The following ERBB4 variants were observed in gnomAD, a reference collection of about 807,000 sequenced individuals.
The protein encoded by ERBB4 is erb-b2 receptor tyrosine kinase 4.
A neutral mutation model predicts 158.0 loss-of-function variants in ERBB4; 42 were observed. The ratio of observed to expected loss-of-function variants is 0.27; its 90% CI spans 0.21 to 0.34. The LOEUF (loss-of-function observed/expected upper bound fraction) is 0.34. Ranked by LOEUF, ERBB4 falls within the 10% of genes least tolerant of loss-of-function variation. The pLI, the probability that ERBB4 is intolerant of heterozygous loss-of-function variation, is 1.00. For missense variants in ERBB4, 1,333 were observed against 1,624.1 expected, an observed-to-expected ratio of 0.82 and a Z score of 3.08; for synonymous variants, 583 against 558.7, an observed-to-expected ratio of 1.04 and a Z score of -0.61.
At chr2:211,554,474 G>A (rs534479035) in intron 20 of ERBB4, among the ~76,000 whole-genome samples, 33 of 152,318 alleles carry the variant, frequency 2.2e-4, no homozygotes, top group African/African-American at 7.9e-4. Flanking sequence ...CACCCACACA[G>A]CACACGCAGT....
In ERBB4 at chr2:212,499,229, G is replaced by A. The variant is rs111460360; in HGVS notation, c.82+39220C>T. On this transcript the variant is annotated intron_variant, in intron 1 of 27. Transcript: ENST00000342788. ...CTTGAGGGACTCTACAGTCTAAAAC[G>A]GGAAGTGGTGAGACTTACTATGCAT... is the stretch of plus-strand genomic sequence containing the variant. Among the ~76,000 whole-genome samples, 6 of 152,052 alleles carry A rather than the reference G, an allele frequency of 3.9e-5. No homozygotes were observed. The East Asian group carries it at 5.8e-4, about 15-fold the overall frequency.
chr2:212,197,796 G>C (rs1181452104), intron 1 of ERBB4, among the ~76,000 whole-genome samples: 1 of 152,096 alleles, frequency 6.6e-6, no homozygotes, highest in Non-Finnish European at 1.5e-5. Context: ...AAGTGAATTA[G>C]GGAGCATACT....
intron 20 of ERBB4, among the ~76,000 whole-genome samples, chr2:211,511,152 G>A (rs981633802): frequency 2.6e-5 from 4 of 151,922 alleles, no homozygotes; most frequent in African/African-American, 9.7e-5. Context: ...AGGCCAGACA[G>A]AAATGGAATG....
intron 2 of ERBB4, among the ~76,000 whole-genome samples, chr2:211,989,264 T>G (rs1290643270): frequency 6.6e-6 from 1 of 151,988 alleles, no homozygotes; most frequent in Non-Finnish European, 1.5e-5. Context: ...GTCCTCAATC[T>G]TGCCAAGTAT....
At chr2:212,053,912 A>G (rs897288102) in intron 2 of ERBB4, among the ~76,000 whole-genome samples, 1 of 151,758 alleles carries the variant, frequency 6.6e-6, no homozygotes, top group East Asian at 1.9e-4. Flanking sequence ...CTTGTTACTT[A>G]TAAAAATTAC....
At chr2:212,474,822 C>CCTTTTTTTTTTTTTTTTTTTTTTTTT (rs1689295723) in intron 1 of ERBB4, among the ~76,000 whole-genome samples, 2 of 94,412 alleles carry the variant, frequency 2.1e-5, no homozygotes, top group African/African-American at 1.2e-4. Flanking sequence ...CCCGGCCATT[C>CCTTTTTTTTTTTTTTTTTTTTTTTTT]TTTTTTTTTT....
intron 2 of ERBB4, among the ~76,000 whole-genome samples, chr2:211,950,451 T>C (rs1159851253): frequency 6.6e-6 from 1 of 152,188 alleles, no homozygotes; most frequent in Admixed American, 6.6e-5. Flanking sequence ...TACCTGGCCA[T>C]CCAGGTTGTT....
intron 20 of ERBB4, among the ~76,000 whole-genome samples, chr2:211,513,377 C>CAA (rs1167274491): frequency 3.6e-5 from 2 of 55,746 alleles, no homozygotes; most frequent in African/African-American, 9.9e-5. Context: ...AAAAAAAAAA[C>CAA]AAAAAAAAAA....
At chr2:211,834,006 T>A (rs1484937732) in intron 3 of ERBB4, among the ~76,000 whole-genome samples, 1 of 152,076 alleles carries the variant, frequency 6.6e-6, no homozygotes, top group African/African-American at 2.4e-5. Flanking sequence ...GTGTAGTCGA[T>A]CTTTACAGTC....
At chr2:211,750,158 C>A (rs917078644) in intron 5 of ERBB4, among the ~76,000 whole-genome samples, 1 of 152,150 alleles carries the variant, frequency 6.6e-6, no homozygotes, top group African/African-American at 2.4e-5. Flanking sequence ...AAAATAGTGA[C>A]TATTTCCATA....
chr2:211,390,570 A>G (rs778908126), intron 25 of ERBB4, among the ~76,000 whole-genome samples: 5 of 152,242 alleles, frequency 3.3e-5, no homozygotes, highest in Non-Finnish European at 7.3e-5. Context: ...GTCATTCTTC[A>G]TCAGGGAACA....
At chr2:211,528,766 G>A (rs1035311225) in intron 20 of ERBB4, among the ~76,000 whole-genome samples, 3 of 151,668 alleles carry the variant, frequency 2.0e-5, no homozygotes, top group African/African-American at 7.3e-5. Flanking sequence ...CCAGTGGGTC[G>A]ATGAAGACAT....
chr2:211,800,735 C>T (rs989966939), intron 3 of ERBB4, among the ~76,000 whole-genome samples: 2 of 149,462 alleles, frequency 1.3e-5, no homozygotes. Flanking sequence ...TCTTGAGGTG[C>T]GTTTCTTTTG....
intron 19 of ERBB4, among the ~76,000 whole-genome samples, chr2:211,601,630 G>C (rs966404882): frequency 2.6e-5 from 4 of 152,162 alleles, no homozygotes; most frequent in Non-Finnish European, 5.9e-5. Flanking sequence ...AGCAATACTG[G>C]AAGCTAGAAT....
At chr2:212,295,645 T>C (rs1374724684) in intron 1 of ERBB4, among the ~76,000 whole-genome samples, 1 of 152,076 alleles carries the variant, frequency 6.6e-6, no homozygotes, top group Non-Finnish European at 1.5e-5. Context: ...ACTAGTTCTA[T>C]GGTATTGTAC....
intron 3 of ERBB4, among the ~76,000 whole-genome samples, chr2:211,883,263 C>G (rs938053418): frequency 2.0e-5 from 3 of 152,040 alleles, no homozygotes; most frequent in African/African-American, 7.2e-5. Context: ...CACATAGACA[C>G]AGGAAGGGGA....
At chr2:211,397,219 G>A (rs2062938920) in intron 25 of ERBB4, among the ~76,000 whole-genome samples, 1 of 151,974 alleles carries the variant, frequency 6.6e-6, no homozygotes, top group Admixed American at 6.6e-5. Flanking sequence ...TGATTTTGCT[G>A]CATATAAAAA....
At chr2:212,446,591 G>GTGTATATATATA (rs2092355369) in intron 1 of ERBB4, among the ~76,000 whole-genome samples, 2 of 27,518 alleles carry the variant, frequency 7.3e-5, no homozygotes, top group Non-Finnish European at 1.2e-4. Context: ...ATATATATAT[G>GTGTATATATATA]TATATATATA....
intron 2 of ERBB4, among the ~76,000 whole-genome samples, chr2:211,952,883 A>G (rs1164529799): frequency 6.6e-6 from 1 of 152,096 alleles, no homozygotes; most frequent in Non-Finnish European, 1.5e-5. Flanking sequence ...AGCAGAAAAA[A>G]AAAAATTATA....
Sources: gnomAD v4.1 joint callset for allele counts (sites outside exome capture counted in the v4.1 genomes callset) on GRCh38, gnomAD v4.1.1 for gene constraint, MANE v1.5 for transcripts, NCBI Gene and HGNC (gene_info 2026-07-23, HGNC 2026-07-21) for gene names.